The following CHD5 variants were observed in gnomAD, a reference collection of about 807,000 sequenced individuals.
The protein encoded by CHD5 is ATP-dependent chromatin remodeler CHD5.
A neutral mutation model predicts 230.3 loss-of-function variants in CHD5; 69 were observed. The observed-to-expected ratio is 0.30, with a 90% confidence interval of 0.25 to 0.37. The LOEUF (loss-of-function observed/expected upper bound fraction) is 0.37. Among genes scored for constraint, CHD5 ranks in the 10% least tolerant of loss-of-function variants. The pLI is 1.00. For synonymous variants in CHD5, 1,064 were observed against 1,065.9 expected (o/e 1.00, Z 0.03); for missense variants, 1,827 against 2,622.8 (o/e 0.70, Z 6.63).
At chr1:6,152,564 C>A (rs747088349) in intron 5 of CHD5, 28 bp from the exon 6 acceptor site, 2 of 1,612,262 alleles carry the variant, frequency 1.2e-6, no homozygotes, top group Non-Finnish European at 1.7e-6. Flanking sequence ...TGATAGCCAA[C>A]CACTGCCACC....
At position 6,110,841 on chromosome 1, in the gene CHD5, G is replaced by A. The variant is rs187135629; in HGVS notation, c.5250-315C>T. Among the ~76,000 whole-genome samples the A allele has an allele frequency of 3.4e-3, 520 of 152,254 alleles. 5 individuals are homozygous for A. The highest frequency in any genetic ancestry group is 5.9e-3 in the Non-Finnish European group (403 of 68,006). ...GTGCCTGTGAATGGGAACCTTTTTC[G>A]GAAATAGAGTATTTGCAGATGTAAT... is the stretch of plus-strand genomic sequence containing the variant. On this transcript the variant is annotated intron_variant, in intron 36 of 41. Transcript: ENST00000262450.
chr1:6,105,205 G>C lies in CHD5; in HGVS notation c.*269C>G, dbSNP rs756528161. 2.9e-6 allele frequency: 1 copy of C among 348,116 alleles called. No individual in the cohort carries two copies. Among genetic ancestry groups the C allele is most frequent in the Non-Finnish European group, 5.9e-6 (1 of 170,908 alleles). The allele number at this position is 348,116 out of a possible 1,614,324, so 21.6% of individuals were successfully genotyped here. ...TAAGAAGTCGTCTGGAAAAGGTGGC[G>C]AGGGGGCACGTCCGGCGTGGTTGTG... On this transcript the variant is annotated 3_prime_UTR_variant, in exon 42 of 42. Transcript: ENST00000262450. The surrounding 1 kb of genome is among the most constrained non-coding windows in gnomAD (Gnocchi z 4.8).
Position 6,105,786 on chromosome 1 carries a change from T to C in CHD5, c.*47-359A>G, listed in dbSNP as rs967577231. Among the ~76,000 whole-genome samples the C allele has an allele frequency of 6.6e-6, 1 of 152,138 alleles. No individual in the cohort carries two copies. The highest frequency in any genetic ancestry group is 2.4e-5 in the African/African-American group (1 of 41,418). On this transcript the variant is annotated intron_variant, in intron 41 of 41. Transcript: ENST00000262450. This position sits in a 1 kb window ranked among gnomAD's most constrained non-coding sequence, Gnocchi z 4.8. ...GAAATAAGCCCCCTCTCCTGGCCAA[T>C]AGCCCCCACAAAACCCTCAGCCACC...
chr1:6,113,161 A>G, intron 33 of CHD5, 163 bp from the exon 34 acceptor site: 1 of 613,168 alleles, frequency 1.6e-6, no homozygotes, highest in South Asian at 1.8e-5. Flanking sequence ...GCAGTGGCCC[A>G]TGCTGTAATC....
chr1:6,131,555 C>A lies in CHD5; in HGVS notation c.3262+76G>T. ...GCTCAACACAACACCAGCTGGGTGA[C>A]CTGGCTAAGAACCAGGCCTGGGAGA... On this transcript the variant is annotated intron_variant, in intron 21 of 41. Transcript: ENST00000262450. The surrounding 1 kb of genome is among the most constrained non-coding windows in gnomAD (Gnocchi z 5.0). 1 of 832,202 alleles carries A rather than the reference C, an allele frequency of 1.2e-6. No homozygotes were observed. Among genetic ancestry groups the A allele is most frequent in the Admixed American group, 1.9e-5 (1 of 52,416 alleles). 51.6% of individuals were successfully genotyped at this position (832,202 alleles called of 1,614,324 possible).
chr1:6,116,616 G>GCTTCTCAGCAGC (rs1553137915), intron 33 of CHD5, among the ~76,000 whole-genome samples: 7 of 152,324 alleles, frequency 4.6e-5, no homozygotes, highest in Admixed American at 1.3e-4. Flanking sequence ...AGCCTTCTCA[G>GCTTCTCAGCAGC]CTTCTCAGCA....
Position 6,179,975 on chromosome 1 carries a change from C to G in CHD5, c.49G>C (p.Glu17Gln). The G allele has an allele frequency of 7.2e-7, 1 of 1,381,102 alleles. No individual in the cohort carries two copies. The highest frequency in any genetic ancestry group is 9.5e-7 in the Non-Finnish European group (1 of 1,054,228). 85.6% of individuals were successfully genotyped at this position (1,381,102 alleles called of 1,614,324 possible). A position where few individuals can be genotyped will look rare whatever the true frequency, so the allele number is the denominator to read the frequency against. Residue 17 changes from glutamate to glutamine, a missense_variant, in exon 1 of 42, where the codon GAG becomes CAG. This residue lies in a region of CHD5 where 113 missense variants were observed against 91.9 expected (regional missense o/e 1.23). Coordinates refer to ENST00000262450, the MANE Select transcript of CHD5 (RefSeq NM_015557.3). ...TEEELPRLFA[E>Q]EMENEDEMSE... ...ATCTCGTCCTCATTCTCCATCTCCT[C>G]GGCGAACAGCCGCGGCAGCTCCTCC...
In CHD5 at chr1:6,125,166, G is replaced by A. The variant is rs990972796; in HGVS notation, c.4328C>T (p.Pro1443Leu). Residue 1443 changes from proline to leucine, a missense_variant, in exon 29 of 42, where the codon CCG becomes CTG. Coordinates refer to ENST00000262450, the MANE Select transcript of CHD5 (RefSeq NM_015557.3). This position sits in a 1 kb window ranked among gnomAD's most constrained non-coding sequence, Gnocchi z 6.7. ...LNAIMRWGMPPQDAFNSHWLV... is the reference protein window; with the variant it reads ...LNAIMRWGMPLQDAFNSHWLV... ...CCAGTGGGAGTTGAAGGCGTCCTGCGGGGGCATGCCCCAGCGCATGATGGC... is the reference window on the plus strand; with the variant it reads ...CCAGTGGGAGTTGAAGGCGTCCTGCAGGGGCATGCCCCAGCGCATGATGGC... 7 of 1,606,624 alleles carry A rather than the reference G, an allele frequency of 4.4e-6. No homozygotes were observed. The highest frequency in any genetic ancestry group is 1.7e-4 in the Middle Eastern group (1 of 6,052).
chr1:6,145,709 G>T (rs976185932), intron 11 of CHD5, among the ~76,000 whole-genome samples: 1 of 152,206 alleles, frequency 6.6e-6, no homozygotes, highest in Admixed American at 6.5e-5. Context: ...CAGAAAGCAT[G>T]GGGTTCAAAT....
intron 33 of CHD5, among the ~76,000 whole-genome samples, chr1:6,119,924 G>C (rs1340151662): frequency 6.7e-6 from 1 of 150,364 alleles, no homozygotes; most frequent in Non-Finnish European, 1.5e-5. Context: ...GCAGTGACAC[G>C]ATCTCCACTC....
Position 6,144,064 on chromosome 1 carries a change from G to C in CHD5, c.1894C>G (p.Pro632Ala). 6.2e-7 allele frequency: 1 copy of C among 1,614,174 alleles called. No individual in the cohort carries two copies. The highest frequency in any genetic ancestry group is 8.5e-7 in the Non-Finnish European group (1 of 1,180,050). The change falls in exon 12 of 42, where the codon CCC becomes GCC. Residue 632 changes from proline to alanine, a missense_variant. Physicochemically the swap from Pro to Ala is conservative, Grantham distance 27 (BLOSUM62 -1). Coordinates refer to ENST00000262450, the MANE Select transcript of CHD5 (RefSeq NM_015557.3). ...CTWEIDDIDI[P>A]YYDNLKQAYW... Reference sequence around the variant, plus strand: ...GCCTGCTTGAGGTTGTCGTAGTAGGGGATGTCGATGTCATCGATCTCCCAG... The same window carrying C: ...GCCTGCTTGAGGTTGTCGTAGTAGGCGATGTCGATGTCATCGATCTCCCAG...
In CHD5 at chr1:6,155,295, C is replaced by T. The variant is rs376992982; in HGVS notation, c.506+304G>A. On this transcript the variant is annotated intron_variant, in intron 4 of 41. Transcript: ENST00000262450. The surrounding 1 kb of genome is among the most constrained non-coding windows in gnomAD (Gnocchi z 4.0). ...GGGCTACAGTGGGCCTTGGGGTCTC[C>T]GTCCCACCTCTACCAGAGCTGAGAG... 9.2e-5 allele frequency among the ~76,000 whole-genome samples: 14 copies of T among 152,280 alleles called. No homozygotes were observed. Among genetic ancestry groups the T allele is most frequent in the African/African-American group, 2.9e-4 (12 of 41,566 alleles).
rs776805670 is a variant in CHD5, at chr1:6,111,809, G to A, written c.5215C>T (p.Arg1739Cys). The A allele has an allele frequency of 5.6e-6, 9 of 1,613,506 alleles. No homozygotes were observed. The highest frequency in any genetic ancestry group is 7.6e-6 in the Non-Finnish European group (9 of 1,180,008). ...CCCGCCAGCAGCCAGTAGTCATGGCGCCGGTGCCAGATGTCGTAGATTTTC... is the reference window on the plus strand; with the variant it reads ...CCCGCCAGCAGCCAGTAGTCATGGCACCGGTGCCAGATGTCGTAGATTTTC... ...SGKIYDIWHR[R>C]HDYWLLAGIV... Residue 1739 changes from arginine (R) to cysteine (C), a missense_variant, in exon 36 of 42, where the codon CGC becomes TGC. Physicochemically the swap from Arg to Cys is radical, Grantham distance 180. Coordinates refer to ENST00000262450, the MANE Select transcript of CHD5 (RefSeq NM_015557.3).
In CHD5 at chr1:6,126,321, C is replaced by T. The variant is rs554125246; in HGVS notation, c.4078+251G>A. ...ACCCTCCACCTCTGGGTATGGGACA[C>T]CCATCCCTCCTGGCACACTCGCCCA... is the stretch of plus-strand genomic sequence containing the variant. On this transcript the variant is annotated intron_variant, in intron 26 of 41. Coordinates refer to ENST00000262450, the MANE Select transcript of CHD5 (RefSeq NM_015557.3). The surrounding 1 kb of genome is among the most constrained non-coding windows in gnomAD (Gnocchi z 5.7). Among the ~76,000 whole-genome samples the T allele has an allele frequency of 4.0e-5, 6 of 151,832 alleles. No individual in the cohort carries two copies. The highest frequency in any genetic ancestry group is 1.3e-4 in the Admixed American group (2 of 15,278).
At chr1:6,175,695 T>C (rs549004654) in intron 1 of CHD5, among the ~76,000 whole-genome samples, 1 of 149,880 alleles carries the variant, frequency 6.7e-6, no homozygotes, top group East Asian at 2.0e-4. Context: ...GATGGATGGA[T>C]GGATGGATGG....
In CHD5 at chr1:6,142,229, T is replaced by C. The variant is rs939369028; in HGVS notation, c.2335A>G (p.Thr779Ala). Residue 779 changes from threonine (T) to alanine (A), a missense_variant, in exon 15 of 42, where the codon ACC (threonine) becomes GCC (alanine). Thr to Ala is a moderately conservative substitution (Grantham distance 58). This residue lies in a region of CHD5 where 80 missense variants were observed against 96.4 expected (regional missense o/e 0.83). Coordinates refer to ENST00000262450, the MANE Select transcript of CHD5 (RefSeq NM_015557.3). The surrounding 1 kb of genome is among the most constrained non-coding windows in gnomAD (Gnocchi z 5.2). ...CGGCTCTCCTTGTCCCCCGTGTAGG[T>C]GACCACGTAGAAGTCGGGCGCCCAC... ...EMWAPDFYVV[T>A]YTGDKESRSV... 6.2e-7 allele frequency: 1 copy of C among 1,614,018 alleles called. No homozygotes were observed. The highest frequency in any genetic ancestry group is 8.5e-7 in the Non-Finnish European group (1 of 1,179,998).
In CHD5 at chr1:6,149,379, T is replaced by C; in HGVS notation, c.1028A>G (p.Gln343Arg). The C allele has an allele frequency of 6.2e-7, 1 of 1,612,578 alleles. No individual in the cohort carries two copies. The highest frequency in any genetic ancestry group is 8.5e-7 in the Non-Finnish European group (1 of 1,179,286). Residue 343 changes from glutamine to arginine, a missense_variant, in exon 8 of 42, where the codon CAG becomes CGG. Gln to Arg is a conservative substitution (Grantham distance 43). This residue lies in a region of CHD5 where 657 missense variants were observed against 816.4 expected (regional missense o/e 0.80). Transcript: ENST00000262450. ...DDGDGYETDH[Q>R]DYCEVCQQGG... Reference sequence around the variant, plus strand: ...CTGCTGGCACACCTCACAGTAATCCTGGTGGTCTGTCTCATAGCCGTCACC... The same window carrying C: ...CTGCTGGCACACCTCACAGTAATCCCGGTGGTCTGTCTCATAGCCGTCACC...
chr1:6,163,259 G>A (rs1023283818), intron 2 of CHD5, among the ~76,000 whole-genome samples: 1 of 152,184 alleles, frequency 6.6e-6, no homozygotes, highest in Non-Finnish European at 1.5e-5. Flanking sequence ...TTGGAAGCAG[G>A]TGCACTTCTC....
intron 33 of CHD5, among the ~76,000 whole-genome samples, chr1:6,118,687 T>A (rs1051581734): frequency 6.7e-6 from 1 of 149,024 alleles, no homozygotes; most frequent in Admixed American, 6.6e-5. Context: ...AAATAACAAA[T>A]GGTATACTTC....
Sources: allele counts gnomAD v4.1 joint callset (sites outside exome capture counted in the v4.1 genomes callset), GRCh38; gene constraint gnomAD v4.1.1; regional missense constraint gnomAD v4.1.1; non-coding constraint Gnocchi (gnomAD v3.1); transcripts MANE v1.5; gene names NCBI Gene and HGNC (gene_info 2026-07-23, HGNC 2026-07-21).